Variants in TLL2 observed in about 807,000 individuals in gnomAD.
The protein encoded by TLL2 is tolloid like 2, also known as tolloid-like protein 2.
In TLL2, 106 loss-of-function variants were observed where a neutral mutation model predicts 123.0. The observed-to-expected ratio is 0.86, with a 90% CI of 0.74 to 1.01. The LOEUF (loss-of-function observed/expected upper bound fraction) is 1.01. Ranked by LOEUF, TLL2 falls within the 50% of genes least tolerant of loss-of-function variation. The probability of loss-of-function intolerance (pLI) is 0.00; values close to 1 mark genes in which losing one functional copy is unlikely to be tolerated. For synonymous variants in TLL2, 494 were observed against 516.8 expected (o/e 0.96, Z 0.60); for missense variants, 1,332 against 1,336.7 (o/e 1.00, Z 0.06).
chr10:96,480,848 T>C (rs917478352), intron 1 of TLL2, among the ~76,000 whole-genome samples: 2 of 152,192 alleles, frequency 1.3e-5, no homozygotes, highest in African/African-American at 2.4e-5. Context: ...TGCTCATAAT[T>C]TTTGTTGCCC....
chr10:96,440,555 G>A (rs1589423204), intron 3 of TLL2, among the ~76,000 whole-genome samples: 2 of 152,106 alleles, frequency 1.3e-5, no homozygotes, highest in Non-Finnish European at 2.9e-5. Context: ...TTCCTCTGTC[G>A]CCAACTCTCC....
chr10:96,384,837 C>T (rs1282459446), intron 15 of TLL2, 70 bp from the exon 16 acceptor site: 2 of 1,425,714 alleles, frequency 1.4e-6, no homozygotes, highest in African/African-American at 1.4e-5. Flanking sequence ...CACACTGCTG[C>T]ACCTGCTTCC....
intron 3 of TLL2, among the ~76,000 whole-genome samples, chr10:96,434,521 TC>T (rs1449599443): frequency 6.6e-6 from 1 of 152,240 alleles, no homozygotes; most frequent in Non-Finnish European, 1.5e-5. Flanking sequence ...ATGAATCAGT[TC>T]TTCATTTTAT....
chr10:96,370,833 G>A lies in TLL2; in HGVS notation c.2663-518C>T, dbSNP rs75077072. Among the ~76,000 whole-genome samples, 713 of 152,300 alleles carry A rather than the reference G, an allele frequency of 4.7e-3. 7 individuals carry two copies. Among genetic ancestry groups the A allele is most frequent in the African/African-American group, 0.016 (675 of 41,556 alleles). ...CTCAGACCCTAAATGACTGGTTTTT[G>A]CATTTGAGGGCATTGACTATAGGCC... On this transcript the variant is annotated intron_variant, in intron 19 of 20. Coordinates refer to ENST00000357947, the MANE Select transcript of TLL2 (RefSeq NM_012465.4).
In TLL2 at chr10:96,366,227, T is replaced by C. The variant is rs918375964; in HGVS notation, c.*1861A>G. ...GAGGTCAGCTGCTCCATTTGCTGTA[T>C]CAAAGCGCACGCTGGGCAGGGTCTG... is the stretch of plus-strand genomic sequence containing the variant. On this transcript the variant is annotated 3_prime_UTR_variant, in exon 21 of 21. Coordinates refer to ENST00000357947, the MANE Select transcript of TLL2 (RefSeq NM_012465.4). 5.9e-5 allele frequency: 9 copies of C among 152,570 alleles called. No individual in the cohort carries two copies. The highest frequency in any genetic ancestry group is 1.9e-4 in the African/African-American group (8 of 41,428). 9.5% of individuals were successfully genotyped at this position (152,570 alleles called of 1,614,324 possible). A position where few individuals can be genotyped will look rare whatever the true frequency, so the allele number is the denominator to read the frequency against.
At chr10:96,478,423 G>A (rs969284685) in intron 2 of TLL2, among the ~76,000 whole-genome samples, 5 of 152,188 alleles carry the variant, frequency 3.3e-5, no homozygotes, top group Admixed American at 6.5e-5. Flanking sequence ...AGAACTCTAC[G>A]ACAGTACCTA....
chr10:96,405,155 T>C, intron 10 of TLL2, 77 bp downstream of exon 10: 1 of 1,372,190 alleles, frequency 7.3e-7, no homozygotes, highest in South Asian at 1.2e-5. Context: ...GCTGTCAAGG[T>C]GGACCTTCCA....
Position 96,513,633 on chromosome 10 carries a change from GGCAGCA to G in TLL2, c.47_52del (p.Leu16_Leu17del). On this transcript the variant is annotated inframe_deletion, in exon 1 of 21. Transcript: ENST00000357947. ...GAGTCCCCCGGCGCCGCGAGGCAGC[GGCAGCA>G]GCAGCAGCAGTGACACCAGGGCCCC... The G allele has an allele frequency of 6.3e-7, 1 of 1,596,496 alleles. No homozygotes were observed. The highest frequency in any genetic ancestry group is 8.5e-7 in the Non-Finnish European group (1 of 1,176,950).
intron 7 of TLL2, among the ~76,000 whole-genome samples, chr10:96,418,343 C>T (rs912996245): frequency 2.0e-5 from 3 of 152,190 alleles, no homozygotes; most frequent in African/African-American, 4.8e-5. Context: ...ACGGAGCAGG[C>T]GGTGAGAAGG....
At chr10:96,411,964 C>T (rs1248957837) in intron 8 of TLL2, among the ~76,000 whole-genome samples, 2 of 152,202 alleles carry the variant, frequency 1.3e-5, no homozygotes, top group Admixed American at 6.5e-5. Flanking sequence ...TTAGAATAAT[C>T]ATCAACATTC....
intron 3 of TLL2, among the ~76,000 whole-genome samples, chr10:96,435,366 G>A (rs1846786862): frequency 6.6e-6 from 1 of 152,064 alleles, no homozygotes; most frequent in Admixed American, 6.5e-5. Context: ...TAAATACCAG[G>A]CTCTTGTCAG....
intron 2 of TLL2, among the ~76,000 whole-genome samples, chr10:96,479,074 G>A (rs1284894910): frequency 6.6e-6 from 1 of 152,180 alleles, no homozygotes; most frequent in African/African-American, 2.4e-5. Flanking sequence ...ATGCAAAGAT[G>A]CTTCCTTTAG....
chr10:96,482,186 C>T (rs915787316), intron 1 of TLL2, among the ~76,000 whole-genome samples: 6 of 150,282 alleles, frequency 4.0e-5, no homozygotes, highest in Non-Finnish European at 8.9e-5. Context: ...TGAACCCGGG[C>T]GGCGGAGCTT....
rs1445753159 is a variant in TLL2 at position 96,410,514 on chromosome 10, C to T, written c.1049-40G>A. ...TCACAACTGTGATGTGGCATATGCA[C>T]CTCTCCCCGCCCAAGCAGCTCCCGC... On this transcript the variant is annotated intron_variant, in intron 8 of 20. Transcript: ENST00000357947. The T allele has an allele frequency of 2.6e-6, 4 of 1,524,936 alleles. No homozygotes were observed. In the East Asian group the frequency reaches 6.8e-5, roughly 26 times the overall value. The allele number at this position is 1,524,936 out of a possible 1,614,324, so 94.5% of individuals were successfully genotyped here. A position where few individuals can be genotyped will look rare whatever the true frequency, so the allele number is the denominator to read the frequency against.
intron 7 of TLL2, among the ~76,000 whole-genome samples, chr10:96,415,611 G>T (rs962439711): frequency 6.6e-6 from 1 of 150,624 alleles, no homozygotes; most frequent in Non-Finnish European, 1.5e-5. Context: ...AATTAAATAT[G>T]CAATCAGGAT....
chr10:96,413,170 A>C (rs1041165443), intron 8 of TLL2, 22 bp downstream of exon 8: 1 of 1,612,860 alleles, frequency 6.2e-7, no homozygotes, highest in Non-Finnish European at 8.5e-7. Flanking sequence ...AGGTGCTGGC[A>C]GTCCCCACGG....
At chr10:96,432,027 G>A (rs1429614218) in intron 4 of TLL2, among the ~76,000 whole-genome samples, 2 of 152,098 alleles carry the variant, frequency 1.3e-5, no homozygotes, top group Admixed American at 6.5e-5. Flanking sequence ...GAGGGTCAAA[G>A]GCCAGGCAGG....
At chr10:96,398,246 C>T (rs190095682) in intron 10 of TLL2, among the ~76,000 whole-genome samples, 1 of 152,256 alleles carries the variant, frequency 6.6e-6, no homozygotes, top group East Asian at 1.9e-4. Context: ...GGAATGTAGA[C>T]CTGCACCATT....
intron 3 of TLL2, among the ~76,000 whole-genome samples, chr10:96,442,970 G>A (rs1220553135): frequency 2.0e-5 from 3 of 152,164 alleles, no homozygotes; most frequent in Non-Finnish European, 4.4e-5. Flanking sequence ...CCTCATACAA[G>A]CAGTTAAATA....
Sources: gnomAD v4.1 joint callset for allele counts (sites outside exome capture counted in the v4.1 genomes callset) on GRCh38, gnomAD v4.1.1 for gene constraint, MANE v1.5 for transcripts, NCBI Gene and HGNC (gene_info 2026-07-23, HGNC 2026-07-21) for gene names.